Variants in ENAH observed in about 807,000 individuals in gnomAD.
ENAH encodes the protein ENAH actin regulator.
In ENAH, 23 loss-of-function variants were observed where a neutral mutation model predicts 78.7. The ratio of observed to expected loss-of-function variants is 0.29; its 90% CI spans 0.21 to 0.41. The LOEUF (loss-of-function observed/expected upper bound fraction) is 0.41, where lower values mean the gene tolerates loss of function less well. Among genes scored for constraint, ENAH ranks in the 10% least tolerant of loss-of-function variants. The pLI is 1.00. For synonymous variants in ENAH, 226 were observed against 241.0 expected (o/e 0.94, Z 0.58); for missense variants, 544 against 691.0 (o/e 0.79, Z 2.39).
At position 225,496,167 on chromosome 1, in the gene ENAH, T is replaced by C. The variant is rs2096248977; in HGVS notation, c.*1608A>G. The C allele has an allele frequency of 6.5e-6, 1 of 152,764 alleles. No homozygotes were observed. The highest frequency in any genetic ancestry group is 2.1e-4 in the South Asian group (1 of 4,830). 9.5% of individuals were successfully genotyped at this position (152,764 alleles called of 1,614,324 possible). A position where few individuals can be genotyped will look rare whatever the true frequency, so the allele number is the denominator to read the frequency against. On this transcript the variant is annotated 3_prime_UTR_variant, in exon 14 of 14. Transcript: ENST00000366843. ...AAGATGGAGAGCCTGGAGAGTTTCTTAAATTTTCCAAAAAGCTATCATTCC... is the reference window on the plus strand; with the variant it reads ...AAGATGGAGAGCCTGGAGAGTTTCTCAAATTTTCCAAAAAGCTATCATTCC...
In ENAH at chr1:225,489,944, C is replaced by T. The variant is rs1169962840; in HGVS notation, c.*7831G>A. 6.6e-6 allele frequency: 1 copy of T among 151,862 alleles called. No individual in the cohort carries two copies. Among genetic ancestry groups the T allele is most frequent in the African/African-American group, 2.4e-5 (1 of 41,316 alleles). The allele number at this position is 151,862 out of a possible 1,614,324, so 9.4% of individuals were successfully genotyped here. ...AGCCTGGATGACAGAGCGAGACTGT[C>T]TCGAAATAATAATAATAACAATAAT... On this transcript the variant is annotated 3_prime_UTR_variant, in exon 14 of 14. Transcript: ENST00000366843.
chr1:225,562,898 A>G (rs1392951043), intron 2 of ENAH, among the ~76,000 whole-genome samples: 1 of 151,472 alleles, frequency 6.6e-6, no homozygotes, highest in African/African-American at 2.4e-5. Context: ...ACTTGAGCCC[A>G]GGAGGTCAAG....
chr1:225,647,002 G>A (rs747998926), intron 1 of ENAH, among the ~76,000 whole-genome samples: 21 of 150,496 alleles, frequency 1.4e-4, no homozygotes, highest in Admixed American at 3.3e-4. Flanking sequence ...TGAGGTGGGC[G>A]CATCACGAGG....
chr1:225,642,524 C>G (rs1026960087), intron 1 of ENAH, among the ~76,000 whole-genome samples: 1 of 151,982 alleles, frequency 6.6e-6, no homozygotes, highest in African/African-American at 2.4e-5. Flanking sequence ...AGAAGAGCTG[C>G]CCAGCCAATC....
chr1:225,557,096 T>C (rs1159581301), intron 2 of ENAH, among the ~76,000 whole-genome samples: 1 of 152,204 alleles, frequency 6.6e-6, no homozygotes, highest in African/African-American at 2.4e-5. Flanking sequence ...TTCTTCAAAA[T>C]TGCTTTGGCT....
intron 1 of ENAH, among the ~76,000 whole-genome samples, chr1:225,605,979 T>C (rs2148055571): frequency 6.6e-6 from 1 of 152,322 alleles, no homozygotes; most frequent in South Asian, 2.1e-4. Flanking sequence ...AGCAAACTAC[T>C]ACAACACTCT....
At chr1:225,542,112 C>G (rs546554498) in intron 3 of ENAH, among the ~76,000 whole-genome samples, 16 of 152,290 alleles carry the variant, frequency 1.1e-4, no homozygotes, top group African/African-American at 3.8e-4. Flanking sequence ...AAAATCTTGA[C>G]CTCAAGTGAT....
At chr1:225,498,772 A>G (rs898590925) in intron 12 of ENAH, among the ~76,000 whole-genome samples, 17 of 152,246 alleles carry the variant, frequency 1.1e-4, no homozygotes, top group Non-Finnish European at 5.9e-5. Flanking sequence ...GAGGAGGAAG[A>G]TATTACAGTA....
At chr1:225,528,186 G>A (rs1409775258) in intron 4 of ENAH, among the ~76,000 whole-genome samples, 2 of 152,082 alleles carry the variant, frequency 1.3e-5, no homozygotes, top group Non-Finnish European at 2.9e-5. Flanking sequence ...GTTCACTGTG[G>A]AGGTAATACT....
chr1:225,512,797 C>T, intron 8 of ENAH, 74 bp downstream of exon 8: 1 of 1,606,610 alleles, frequency 6.2e-7, no homozygotes, highest in East Asian at 2.2e-5. Flanking sequence ...AGAAGTGCAT[C>T]TAGTTAGTTG....
At chr1:225,569,952 T>C (rs2096752563) in intron 1 of ENAH, among the ~76,000 whole-genome samples, 1 of 152,080 alleles carries the variant, frequency 6.6e-6, no homozygotes, top group African/African-American at 2.4e-5. Flanking sequence ...ACACCTGTAA[T>C]CCCAGCACTT....
intron 1 of ENAH, among the ~76,000 whole-genome samples, chr1:225,574,654 C>T (rs2096779471): frequency 3.7e-4 from 1 of 2,676 alleles, no homozygotes; most frequent in Non-Finnish European, 6.9e-4. Flanking sequence ...GTAATCCCAG[C>T]ACTTTGGGAG....
chr1:225,514,554 A>C (rs768646143), intron 7 of ENAH, 42 bp downstream of exon 7: 6 of 1,344,810 alleles, frequency 4.5e-6, no homozygotes, highest in Non-Finnish European at 6.4e-6. Flanking sequence ...ATATTTAGGA[A>C]GAATAAGACA....
chr1:225,592,212 C>T (rs890738760), intron 1 of ENAH, among the ~76,000 whole-genome samples: 2 of 152,170 alleles, frequency 1.3e-5, no homozygotes, highest in Admixed American at 6.5e-5. Flanking sequence ...CTCAACACTA[C>T]CAAACAGTAC....
At chr1:225,499,752 T>C (rs1425733387) in intron 12 of ENAH, among the ~76,000 whole-genome samples, 2 of 152,196 alleles carry the variant, frequency 1.3e-5, no homozygotes, top group Admixed American at 6.5e-5. Flanking sequence ...ACAATTTTAA[T>C]GGGTGAAAAG....
Position 225,652,828 on chromosome 1 carries a change from G to C in ENAH, c.-138C>G. The C allele has an allele frequency of 8.2e-6, 5 of 611,772 alleles. No individual in the cohort carries two copies. Among genetic ancestry groups the C allele is most frequent in the Non-Finnish European group, 1.2e-5 (5 of 417,942 alleles). The allele number at this position is 611,772 out of a possible 1,614,324, so 37.9% of individuals were successfully genotyped here. ...GTCCGGCTCCTCCTTCGGCGGCCAG[G>C]GGGCTACACCATCTCCTCGCACAAA... On this transcript the variant is annotated 5_prime_UTR_variant, in exon 1 of 14. Transcript: ENST00000366843.
At chr1:225,574,919 A>AAAAAAATAT (rs1177451807) in intron 1 of ENAH, among the ~76,000 whole-genome samples, 4 of 2,992 alleles carry the variant, frequency 1.3e-3, no homozygotes, top group African/African-American at 9.9e-3. Flanking sequence ...AAAAAAAAAA[A>AAAAAAATAT]ATATATATAT....
chr1:225,512,930 T>A lies in ENAH; in HGVS notation c.1305A>T (p.Gly435=). ...AACCACTACCCCCTAAAGGAAGGGG[T>A]CCATTTCCACGGCCTGTATCTGTTT... is the stretch of plus-strand genomic sequence containing the variant. ...SSKTDTGRGN[G]PLPLGGSGLM... Residue 435 remains glycine (G), a synonymous_variant, in exon 8 of 14, where the codon GGA becomes GGT. Transcript: ENST00000366843. 1 of 1,613,864 alleles carries A rather than the reference T, an allele frequency of 6.2e-7. No homozygotes were observed. The highest frequency in any genetic ancestry group is 8.5e-7 in the Non-Finnish European group (1 of 1,179,928).
intron 1 of ENAH, among the ~76,000 whole-genome samples, chr1:225,632,199 T>C (rs1659208758): frequency 6.6e-6 from 1 of 152,168 alleles, no homozygotes; most frequent in South Asian, 2.1e-4. Context: ...AAAACATCTA[T>C]GTAGAACAGT....
Sources: allele counts gnomAD v4.1 joint callset (sites outside exome capture counted in the v4.1 genomes callset), GRCh38; gene constraint gnomAD v4.1.1; transcripts MANE v1.5; gene names NCBI Gene and HGNC (gene_info 2026-07-23, HGNC 2026-07-21).